Variants in DAB1 observed in about 807,000 individuals in gnomAD.
DAB1 encodes the protein DAB adaptor protein 1.
In DAB1, 15 loss-of-function variants were observed where a neutral mutation model predicts 64.6. The observed-to-expected ratio is 0.23, with a 90% CI of 0.16 to 0.36. DAB1 has a LOEUF of 0.36. Among genes scored for constraint, DAB1 ranks in the 10% least tolerant of loss-of-function variants. The pLI, the probability that DAB1 is intolerant of heterozygous loss-of-function variation, is 1.00. For missense variants in DAB1, 596 were observed against 706.7 expected, an observed-to-expected ratio of 0.84 and a Z score of 1.78; for synonymous variants, 235 against 251.9, an observed-to-expected ratio of 0.93 and a Z score of 0.64.
At chr1:57,640,687 C>T (rs1040194304) in intron 7 of DAB1, among the ~76,000 whole-genome samples, 5 of 152,172 alleles carry the variant, frequency 3.3e-5, no homozygotes, top group African/African-American at 1.2e-4. Context: ...GCACTAAGGA[C>T]TCACTAAAAG....
At chr1:57,798,753 T>C (rs1410456047) in intron 6 of DAB1, among the ~76,000 whole-genome samples, 1 of 152,192 alleles carries the variant, frequency 6.6e-6, no homozygotes. Context: ...GCAGCATTTC[T>C]TCCATGTCTG....
chr1:57,127,134 G>A (rs1657193410), intron 4 of DAB1, among the ~76,000 whole-genome samples: 1 of 152,068 alleles, frequency 6.6e-6, no homozygotes, highest in South Asian at 2.1e-4. Flanking sequence ...AATAACCACG[G>A]CACAGTCATG....
At chr1:58,041,108 C>T (rs572404209) in intron 5 of DAB1, among the ~76,000 whole-genome samples, 71 of 152,238 alleles carry the variant, frequency 4.7e-4, no homozygotes, top group African/African-American at 1.5e-3. Flanking sequence ...TTTTTCCAAA[C>T]CCAACTCCTT....
At chr1:57,728,472 T>C (rs937830391) in intron 6 of DAB1, among the ~76,000 whole-genome samples, 3 of 151,948 alleles carry the variant, frequency 2.0e-5, no homozygotes, top group Non-Finnish European at 4.4e-5. Flanking sequence ...CGGGCACCTG[T>C]AGTTCCAGCT....
At chr1:58,025,373 T>A (rs899363842) in intron 5 of DAB1, among the ~76,000 whole-genome samples, 1 of 151,624 alleles carries the variant, frequency 6.6e-6, no homozygotes, top group Non-Finnish European at 1.5e-5. Flanking sequence ...TTTAACAGGG[T>A]TCCTAGTAAT....
At chr1:58,106,843 ATCCCTCCC>A (rs879680083) in intron 5 of DAB1, among the ~76,000 whole-genome samples, 1 of 110,040 alleles carries the variant, frequency 9.1e-6, no homozygotes, top group Non-Finnish European at 1.9e-5. Context: ...TCCCTCCTTC[ATCCCTCCC>A]TCCCTCCCTC....
At chr1:58,180,276 C>CTTTTTTTTTTTTTTTT (rs1557684483) in intron 4 of DAB1, among the ~76,000 whole-genome samples, 3 of 53,140 alleles carry the variant, frequency 5.6e-5, no homozygotes, top group South Asian at 5.6e-4. Context: ...TCTTTTTTTT[C>CTTTTTTTTTTTTTTTT]TTTTCTTTTT....
Position 57,010,829 on chromosome 1 carries a change from T to A in DAB1, c.1573-39A>T, listed in dbSNP as rs2100291649. ...AGATAATACTTTTTTTTTTCTCTCT[T>A]TTCAAGCATTGAAAATATAAGACAC... is the stretch of plus-strand genomic sequence containing the variant. On this transcript the variant is annotated intron_variant, in intron 13 of 14. Coordinates refer to ENST00000371236, the MANE Select transcript of DAB1 (RefSeq NM_001365792.1). The A allele has an allele frequency of 2.1e-6, 3 of 1,434,802 alleles. No individual in the cohort carries two copies. The East Asian group carries it at 7.0e-5, about 33-fold the overall frequency. The allele number at this position is 1,434,802 out of a possible 1,614,324, so 88.9% of individuals were successfully genotyped here.
chr1:58,022,893 G>A (rs1010959971), intron 5 of DAB1, among the ~76,000 whole-genome samples: 2 of 152,074 alleles, frequency 1.3e-5, no homozygotes, highest in Non-Finnish European at 2.9e-5. Flanking sequence ...TAGCCTATGA[G>A]TTTGCTGGGA....
chr1:57,420,824 G>A (rs969563556), intron 1 of DAB1, among the ~76,000 whole-genome samples: 2 of 152,170 alleles, frequency 1.3e-5, no homozygotes, highest in East Asian at 1.9e-4. Context: ...ACTCAACCAC[G>A]AGTATTCTTT....
At chr1:58,032,660 A>G (rs1278304147) in intron 5 of DAB1, among the ~76,000 whole-genome samples, 1 of 152,234 alleles carries the variant, frequency 6.6e-6, no homozygotes, top group Non-Finnish European at 1.5e-5. Flanking sequence ...GTCCTAAAGC[A>G]GTAGGCAGAG....
intron 6 of DAB1, among the ~76,000 whole-genome samples, chr1:57,682,179 C>T (rs756188129): frequency 6.6e-6 from 1 of 151,468 alleles, no homozygotes; most frequent in Non-Finnish European, 1.5e-5. Flanking sequence ...TTAAAACATC[C>T]AATTAGTTTC....
At chr1:57,576,416 A>G (rs980195960) in intron 7 of DAB1, among the ~76,000 whole-genome samples, 15 of 152,222 alleles carry the variant, frequency 9.9e-5, no homozygotes, top group African/African-American at 3.6e-4. Flanking sequence ...TGGGCCATTA[A>G]TCCAATATGA....
chr1:58,118,615 TA>T (rs1652539696), intron 5 of DAB1, among the ~76,000 whole-genome samples: 1 of 132,594 alleles, frequency 7.5e-6, no homozygotes, highest in Non-Finnish European at 1.5e-5. Context: ...TATACATATA[TA>T]TATATAAAAT....
intron 2 of DAB1, among the ~76,000 whole-genome samples, chr1:57,258,725 C>A (rs1330488427): frequency 1.3e-5 from 2 of 152,128 alleles, no homozygotes. Flanking sequence ...AGGATTTGCT[C>A]GCTCTCCACT....
chr1:57,233,679 A>G (rs886411713), intron 2 of DAB1, among the ~76,000 whole-genome samples: 5 of 151,142 alleles, frequency 3.3e-5, no homozygotes, highest in Non-Finnish European at 7.4e-5. Flanking sequence ...GAATTGCTTG[A>G]ACCTGGGAGG....
intron 1 of DAB1, among the ~76,000 whole-genome samples, chr1:57,302,265 G>T (rs1454084309): frequency 6.6e-6 from 1 of 151,964 alleles, no homozygotes; most frequent in African/African-American, 2.4e-5. Context: ...TCTTTTTGTT[G>T]TTGTTTCCGG....
chr1:57,364,889 A>C (rs1211401942), intron 1 of DAB1, among the ~76,000 whole-genome samples: 1 of 149,274 alleles, frequency 6.7e-6, no homozygotes, highest in African/African-American at 2.4e-5. Flanking sequence ...AAAGACCTTA[A>C]GGAAATAACA....
chr1:57,646,740 C>G (rs1168032132), intron 7 of DAB1, among the ~76,000 whole-genome samples: 1 of 152,078 alleles, frequency 6.6e-6, no homozygotes, highest in African/African-American at 2.4e-5. Context: ...CAGAGCGAGA[C>G]CCCATCTCAA....
Sources: allele counts gnomAD v4.1 joint callset (sites outside exome capture counted in the v4.1 genomes callset), GRCh38; gene constraint gnomAD v4.1.1; transcripts MANE v1.5; gene names NCBI Gene and HGNC (gene_info 2026-07-23, HGNC 2026-07-21).